CAPZB: variants seen among roughly 807,000 people sequenced by gnomAD.
CAPZB encodes the protein capping actin protein of muscle Z-line subunit beta.
In CAPZB, 2 loss-of-function variants were observed where a neutral mutation model predicts 38.1. The ratio of observed to expected loss-of-function variants is 0.05; its 90% confidence interval spans 0.02 to 0.17. The LOEUF is 0.17. Ranked by LOEUF, CAPZB falls within the 10% of genes least tolerant of loss-of-function variation. The pLI, the probability that CAPZB is intolerant of heterozygous loss-of-function variation, is 1.00. For synonymous variants in CAPZB, 107 were observed against 127.4 expected (o/e 0.84, Z 1.08); for missense variants, 161 against 334.2 (o/e 0.48, Z 4.04).
At chr1:19,358,923 C>G (rs890152757) in intron 4 of CAPZB, among the ~76,000 whole-genome samples, 1 of 152,220 alleles carries the variant, frequency 6.6e-6, no homozygotes, top group African/African-American at 2.4e-5. Context: ...CCAATGACAG[C>G]TCTAGCACGC....
chr1:19,440,611 G>A (rs1481355185), intron 1 of CAPZB, among the ~76,000 whole-genome samples: 1 of 152,068 alleles, frequency 6.6e-6, no homozygotes, highest in Non-Finnish European at 1.5e-5. Flanking sequence ...ACCAGTGTGG[G>A]GGGAAGGGAC....
At chr1:19,436,981 T>C (rs2100610776) in intron 1 of CAPZB, among the ~76,000 whole-genome samples, 1 of 152,322 alleles carries the variant, frequency 6.6e-6, no homozygotes, top group Admixed American at 6.5e-5. Context: ...GGTTCAGTTG[T>C]CTGAGCCAAG....
chr1:19,484,126 T>G (rs2094641249), intron 1 of CAPZB: 1 of 1,544,694 alleles, frequency 6.5e-7, no homozygotes, highest in Non-Finnish European at 8.8e-7. Context: ...GGATAGCATC[T>G]GCCTTCTTTA....
chr1:19,348,158 C>T (rs987119376), intron 6 of CAPZB, among the ~76,000 whole-genome samples: 2 of 152,190 alleles, frequency 1.3e-5, no homozygotes, highest in Non-Finnish European at 2.9e-5. Flanking sequence ...GTGATGAAGA[C>T]ACTGCAGCTG....
intron 1 of CAPZB, chr1:19,484,583 G>A: frequency 8.1e-7 from 1 of 1,235,880 alleles, no homozygotes; most frequent in Non-Finnish European, 1.0e-6. Context: ...AGAAGGCACA[G>A]CACCGGGACC....
At chr1:19,431,226 A>G (rs2094440777) in intron 1 of CAPZB, among the ~76,000 whole-genome samples, 1 of 152,222 alleles carries the variant, frequency 6.6e-6, no homozygotes, top group African/African-American at 2.4e-5. Flanking sequence ...TTTTTGAGCG[A>G]AGACATGAGG....
At chr1:19,421,077 C>T in intron 1 of CAPZB, among the ~76,000 whole-genome samples, 1 of 152,156 alleles carries the variant, frequency 6.6e-6, no homozygotes, top group African/African-American at 2.4e-5. Context: ...CCAACACTAC[C>T]CAAGCAGCCA....
intron 1 of CAPZB, among the ~76,000 whole-genome samples, chr1:19,469,722 C>T (rs2094580143): frequency 6.8e-6 from 1 of 146,334 alleles, no homozygotes; most frequent in Admixed American, 6.9e-5. Context: ...AAGGAAGATA[C>T]TCAAAAGGAG....
chr1:19,379,100 CT>C (rs371398074), intron 3 of CAPZB, among the ~76,000 whole-genome samples: 106 of 138,234 alleles, frequency 7.7e-4, no homozygotes, highest in Admixed American at 1.2e-3. Flanking sequence ...TTTTTTCTTT[CT>C]TTTTTTTTTT....
chr1:19,352,234 C>T (rs2093995446), intron 6 of CAPZB, among the ~76,000 whole-genome samples: 1 of 152,252 alleles, frequency 6.6e-6, no homozygotes, highest in Non-Finnish European at 1.5e-5. Flanking sequence ...CTAGGATACA[C>T]AGGCAAGTGC....
intron 1 of CAPZB, among the ~76,000 whole-genome samples, chr1:19,451,404 A>G (rs1331417652): frequency 1.3e-5 from 2 of 152,222 alleles, no homozygotes; most frequent in African/African-American, 4.8e-5. Context: ...GTGGAAATGG[A>G]CAATCCCGAA....
chr1:19,440,366 G>A (rs759172072), intron 1 of CAPZB, among the ~76,000 whole-genome samples: 1 of 152,136 alleles, frequency 6.6e-6, no homozygotes, highest in Non-Finnish European at 1.5e-5. Flanking sequence ...ATGAATATGT[G>A]AGAAATAGAT....
At chr1:19,381,302 T>C (rs1383362033) in intron 3 of CAPZB, among the ~76,000 whole-genome samples, 2 of 136,462 alleles carry the variant, frequency 1.5e-5, no homozygotes, top group African/African-American at 5.5e-5. Context: ...CTCCTCCCTC[T>C]CACACAGATG....
At chr1:19,438,228 G>A (rs995950745) in intron 1 of CAPZB, among the ~76,000 whole-genome samples, 10 of 152,154 alleles carry the variant, frequency 6.6e-5, no homozygotes, top group African/African-American at 1.9e-4. Flanking sequence ...TAGGGAGTGC[G>A]CGATCAGAGA....
At chr1:19,346,987 C>CT (rs1328235103) in intron 6 of CAPZB, among the ~76,000 whole-genome samples, 99 of 149,242 alleles carry the variant, frequency 6.6e-4, no homozygotes, top group Non-Finnish European at 8.5e-4. Flanking sequence ...CCACGTCCGG[C>CT]TTTTTTTTAT....
At chr1:19,418,754 A>T (rs1274701605) in intron 2 of CAPZB, among the ~76,000 whole-genome samples, 1 of 152,212 alleles carries the variant, frequency 6.6e-6, no homozygotes, top group African/African-American at 2.4e-5. Flanking sequence ...GCAGTCATAT[A>T]TTTTTCCTAG....
chr1:19,447,575 G>T (rs2094500907), intron 1 of CAPZB, among the ~76,000 whole-genome samples: 1 of 151,988 alleles, frequency 6.6e-6, no homozygotes, highest in Non-Finnish European at 1.5e-5. Flanking sequence ...ATCATAGAAG[G>T]CTGAAACCAC....
intron 1 of CAPZB, among the ~76,000 whole-genome samples, chr1:19,464,802 T>A (rs537018380): frequency 1.3e-5 from 2 of 152,264 alleles, no homozygotes; most frequent in East Asian, 3.9e-4. Flanking sequence ...CTCCATACTA[T>A]CTGCTTCCAT....
At chr1:19,413,492 C>T (rs2094366190) in intron 2 of CAPZB, among the ~76,000 whole-genome samples, 1 of 152,142 alleles carries the variant, frequency 6.6e-6, no homozygotes, top group African/African-American at 2.4e-5. Flanking sequence ...TGCCACCATG[C>T]CCAAAACATT....
Sources: allele counts gnomAD v4.1 joint callset (sites outside exome capture counted in the v4.1 genomes callset), GRCh38; gene constraint gnomAD v4.1.1; transcripts MANE v1.5; gene names NCBI Gene and HGNC (gene_info 2026-07-23, HGNC 2026-07-21).